AMOT: variants seen among roughly 807,000 people sequenced by gnomAD.
The protein encoded by AMOT is angiomotin.
AMOT carries 11 observed loss-of-function variants against 67.0 expected under a neutral mutation model. The ratio of observed to expected loss-of-function variants is 0.16; its 90% CI spans 0.10 to 0.27. AMOT has a LOEUF of 0.27. AMOT is among the 10% of genes least tolerant of loss of function. The pLI, the probability that AMOT is intolerant of heterozygous loss-of-function variation, is 1.00. For synonymous variants in AMOT, 326 were observed against 321.4 expected (o/e 1.01, Z -0.15); for missense variants, 753 against 852.0 (o/e 0.88, Z 1.45).
intron 5 of AMOT, among the ~76,000 whole-genome samples, 179 bp downstream of exon 5, chrX:112,815,179 G>C (rs936815574): frequency 3.6e-5 from 4 of 111,679 alleles, no homozygotes; most frequent in Admixed American, 1.9e-4. Context: ...CTTCTCCTAG[G>C]TAGACAGGTA....
intron 10 of AMOT, among the ~76,000 whole-genome samples, chrX:112,783,767 C>T (rs1472068127): frequency 9.2e-6 from 1 of 109,181 alleles, no homozygotes; most frequent in African/African-American, 3.4e-5. Flanking sequence ...AATACTGATG[C>T]AATTATATTG....
chrX:112,800,607 T>C (rs1285073560), intron 8 of AMOT, among the ~76,000 whole-genome samples: 4 of 112,351 alleles, frequency 3.6e-5, no homozygotes, highest in East Asian at 2.8e-4. Context: ...TCCTCTAATA[T>C]CAGGGAAGCA....
chrX:112,781,943 C>A (rs763275645), intron 11 of AMOT, among the ~76,000 whole-genome samples: 3 of 111,830 alleles, frequency 2.7e-5, no homozygotes, highest in Non-Finnish European at 5.6e-5. Context: ...GGCTGGAGTG[C>A]AATGGCATGA....
intron 1 of AMOT, among the ~76,000 whole-genome samples, chrX:112,838,537 G>C (rs1323365164): frequency 9.0e-6 from 1 of 111,490 alleles, no homozygotes; most frequent in Admixed American, 9.5e-5. Flanking sequence ...GTCTGATGCA[G>C]TCTTTACAAA....
chrX:112,822,267 T>C lies in AMOT; in HGVS notation c.860A>G (p.Tyr287Cys). Reference sequence around the variant, plus strand: ...AGAACTCTCTTACCTGGCTGCTCCATACTCAGGGGGATGCTGATACCTCAT... The same window carrying C: ...AGAACTCTCTTACCTGGCTGCTCCACACTCAGGGGGATGCTGATACCTCAT... ...QLMRYQHPPEYGAARPAQDIS... is the reference protein window; with the variant it reads ...QLMRYQHPPECGAARPAQDIS... The change falls in exon 4 of 14, where the codon TAT becomes TGT. Residue 287 changes from tyrosine to cysteine, a missense_variant. Tyr to Cys is a radical substitution (Grantham distance 194, BLOSUM62 -2). Around this residue, in one of 5 missense-constraint regions of AMOT, gnomAD observed 297 missense variants for 284.3 expected, o/e 1.04. Coordinates refer to ENST00000371959, the MANE Select transcript of AMOT (RefSeq NM_001113490.2). 1.8e-6 allele frequency: 2 copies of C among 1,101,821 alleles called. No individual in the cohort carries two copies. Among genetic ancestry groups the C allele is most frequent in the Non-Finnish European group, 2.4e-6 (2 of 841,604 alleles). 90.8% of individuals were successfully genotyped at this position (1,101,821 alleles called of 1,213,427 possible). A position where few individuals can be genotyped will look rare whatever the true frequency, so the allele number is the denominator to read the frequency against.
chrX:112,815,358 C>A lies in AMOT; in HGVS notation c.1392G>T (p.Lys464Asn). 1 of 1,204,859 alleles carries A rather than the reference C, an allele frequency of 8.3e-7. No individual in the cohort carries two copies. The highest frequency in any genetic ancestry group is 1.7e-5 in the African/African-American group (1 of 57,600). Residue 464 changes from lysine (K) to asparagine (N), a missense_variant and splice_region_variant, in exon 5 of 14, where the codon AAG becomes AAT. Around this residue, in one of 5 missense-constraint regions of AMOT, gnomAD observed 297 missense variants for 284.3 expected, o/e 1.04. Coordinates refer to ENST00000371959, the MANE Select transcript of AMOT (RefSeq NM_001113490.2). The stretch of plus-strand genomic sequence containing the variant: ...TAATATCCCAAAACGGAAGCCTCAC[C>A]TTCTGCAGTCTTGCCACCTTCTCAT... ...GCYEKVARLQKVETEIQRVSE... is the reference protein window; with the variant it reads ...GCYEKVARLQNVETEIQRVSE...
Position 112,783,689 on chromosome X carries a change from A to T in AMOT, c.2118-1027T>A, listed in dbSNP as rs765275697. ...CTCAAAGACCAATTAATAAGGAAAA[A>T]CATGTGTGTGTGTGTGTGTGTGTGT... is the stretch of plus-strand genomic sequence containing the variant. On this transcript the variant is annotated intron_variant, in intron 10 of 13. Coordinates refer to ENST00000371959, the MANE Select transcript of AMOT (RefSeq NM_001113490.2). Among the ~76,000 whole-genome samples the T allele has an allele frequency of 3.3e-5, 3 of 91,898 alleles. No homozygotes were observed. The South Asian group carries it at 1.5e-3, about 46-fold the overall frequency. The allele number at this position is 91,898 out of a possible 115,157, so 79.8% of individuals were successfully genotyped here.
At position 112,790,623 on chromosome X, in the gene AMOT, G is replaced by C. The variant is rs768585062; in HGVS notation, c.2086C>G (p.Leu696Val). 8.3e-7 allele frequency: 1 copy of C among 1,208,689 alleles called. No individual in the cohort carries two copies. The highest frequency in any genetic ancestry group is 1.1e-6 in the Non-Finnish European group (1 of 894,028). The change falls in exon 10 of 14, where the codon CTG (leucine) becomes GTG (valine). Residue 696 changes from leucine (L) to valine (V), a missense_variant. Around this residue, in one of 5 missense-constraint regions of AMOT, gnomAD observed 66 missense variants for 112.9 expected, o/e 0.58. Transcript: ENST00000371959. ...GCAGCCACAGTTGCAGCAGCATCCA[G>C]AGCAAAATGTCTCATCACATTCTCC... ...LEENVMRHFA[L>V]DAAATVAAQR... is the part of the protein sequence containing the mutation.
chrX:112,837,833 T>C (rs950901779), intron 1 of AMOT, among the ~76,000 whole-genome samples: 7 of 111,511 alleles, frequency 6.3e-5, no homozygotes, highest in African/African-American at 2.3e-4. Context: ...ATTGGTTTAG[T>C]CCCCAGCTAA....
At chrX:112,838,744 A>G (rs924195034) in intron 1 of AMOT, among the ~76,000 whole-genome samples, 12 of 112,755 alleles carry the variant, frequency 1.1e-4, no homozygotes, top group African/African-American at 3.5e-4. Context: ...GACTCCACAT[A>G]CAATTGTGGT....
chrX:112,809,501 A>C (rs1212503493), intron 7 of AMOT, among the ~76,000 whole-genome samples: 1 of 111,141 alleles, frequency 9.0e-6, no homozygotes, highest in Non-Finnish European at 1.9e-5. Flanking sequence ...AAGTATTCCA[A>C]ACACTATCAT....
chrX:112,835,094 T>C (rs1207186967), intron 1 of AMOT, among the ~76,000 whole-genome samples: 1 of 112,108 alleles, frequency 8.9e-6, no homozygotes, highest in African/African-American at 3.2e-5. Context: ...TGCTCTGCCA[T>C]CATGCAAACA....
chrX:112,795,478 C>A (rs1933779794), intron 8 of AMOT, among the ~76,000 whole-genome samples: 1 of 111,204 alleles, frequency 9.0e-6, no homozygotes, highest in Admixed American at 9.5e-5. Context: ...GTCAGCAAAC[C>A]AAAATGGTCA....
At chrX:112,832,673 A>G (rs1202421977) in intron 1 of AMOT, among the ~76,000 whole-genome samples, 2 of 112,178 alleles carry the variant, frequency 1.8e-5, no homozygotes, top group Non-Finnish European at 3.8e-5. Context: ...GCTGCATCTA[A>G]AAGAAAGTAA....
chrX:112,785,125 C>T (rs887059726), intron 10 of AMOT, among the ~76,000 whole-genome samples: 13 of 111,881 alleles, frequency 1.2e-4, no homozygotes, highest in African/African-American at 4.2e-4. Flanking sequence ...TGCTACCTTC[C>T]AATACTCCAA....
At chrX:112,807,854 A>G (rs1028701158) in intron 7 of AMOT, among the ~76,000 whole-genome samples, 2 of 112,073 alleles carry the variant, frequency 1.8e-5, no homozygotes, top group African/African-American at 3.2e-5. Context: ...CTGTACACTA[A>G]TTTTTAGTAT....
intron 9 of AMOT, among the ~76,000 whole-genome samples, chrX:112,791,217 T>C (rs772028873): frequency 2.0e-5 from 2 of 101,546 alleles, no homozygotes; most frequent in South Asian, 4.4e-4. Context: ...CCATCTCTAC[T>C]AAAAATACAA....
At chrX:112,837,992 G>A (rs1329802022) in intron 1 of AMOT, among the ~76,000 whole-genome samples, 1 of 111,653 alleles carries the variant, frequency 9.0e-6, no homozygotes, top group Non-Finnish European at 1.9e-5. Flanking sequence ...CAGTGTTTAA[G>A]CTGGGCTTAA....
chrX:112,790,777 C>T lies in AMOT; in HGVS notation c.1932G>A (p.Gln644=). ...AAACGTTGGTGGGCTGACAGTTGCC[C>T]TGACGCTGTTGGGGCAGATGCAGAG... ...ELESLRIQQR[Q]GNCQPTNVSE... is the part of the protein sequence containing the mutation. Residue 644 remains glutamine (Q), a synonymous_variant, in exon 10 of 14, where the codon CAG becomes CAA. Coordinates refer to ENST00000371959, the MANE Select transcript of AMOT (RefSeq NM_001113490.2). 8.5e-7 allele frequency: 1 copy of T among 1,180,276 alleles called. No homozygotes were observed. Among genetic ancestry groups the T allele is most frequent in the Non-Finnish European group, 1.1e-6 (1 of 879,558 alleles).
Sources: gnomAD v4.1 joint callset for allele counts (sites outside exome capture counted in the v4.1 genomes callset) on GRCh38, gnomAD v4.1.1 for gene constraint, gnomAD v4.1.1 regional missense constraint, MANE v1.5 for transcripts, NCBI Gene and HGNC (gene_info 2026-07-23, HGNC 2026-07-21) for gene names.